Variants in SLC17A8 observed in about 807,000 individuals in gnomAD.
The protein encoded by SLC17A8 is solute carrier family 17 member 8.
SLC17A8 carries 31 observed loss-of-function variants against 58.0 expected under a neutral mutation model. That is an observed-to-expected ratio of 0.53 (90% CI 0.40 to 0.72). The LOEUF (loss-of-function observed/expected upper bound fraction) is 0.72, where lower values mean the gene tolerates loss of function less well. Ranked by LOEUF, SLC17A8 falls within the 30% of genes least tolerant of loss-of-function variation. SLC17A8 has a pLI of 0.00. For missense variants in SLC17A8, 655 were observed against 727.8 expected (o/e 0.90, Z 1.15); for synonymous variants, 228 against 249.0 (o/e 0.92, Z 0.79).
At chr12:100,412,560 C>T (rs1593007278) in intron 9 of SLC17A8, among the ~76,000 whole-genome samples, 1 of 148,730 alleles carries the variant, frequency 6.7e-6, no homozygotes, top group East Asian at 2.0e-4. Context: ...ACATGTATCC[C>T]TGAACTTAAA....
chr12:100,388,920 TAG>T (rs1170192999), intron 2 of SLC17A8, among the ~76,000 whole-genome samples: 2 of 152,194 alleles, frequency 1.3e-5, no homozygotes. Flanking sequence ...GCTGCTATCT[TAG>T]AGTTTCTTGG....
At chr12:100,362,288 G>A (rs1465099666) in intron 1 of SLC17A8, among the ~76,000 whole-genome samples, 5 of 152,210 alleles carry the variant, frequency 3.3e-5, no homozygotes, top group Non-Finnish European at 5.9e-5. Context: ...GGAGGAACCA[G>A]AACTGTCACC....
At position 100,357,157 on chromosome 12, in the gene SLC17A8, A is replaced by C. The variant is rs1172775062; in HGVS notation, c.-235A>C. On this transcript the variant is annotated 5_prime_UTR_variant, in exon 1 of 12. Coordinates refer to ENST00000323346, the MANE Select transcript of SLC17A8 (RefSeq NM_139319.3). ...TGCAAGGGACTGAATTCCCAGCCAG[A>C]CACCCCTTGGACTCTTTTTTGGAGG... is the stretch of plus-strand genomic sequence containing the variant. The C allele has an allele frequency of 4.2e-6, 2 of 480,230 alleles. No individual in the cohort carries two copies. Among genetic ancestry groups the C allele is most frequent in the Non-Finnish European group, 7.6e-6 (2 of 263,014 alleles). 29.7% of individuals were successfully genotyped at this position (480,230 alleles called of 1,614,324 possible).
At chr12:100,384,411 C>A (rs1339741119) in intron 2 of SLC17A8, among the ~76,000 whole-genome samples, 1 of 152,022 alleles carries the variant, frequency 6.6e-6, no homozygotes, top group Non-Finnish European at 1.5e-5. Flanking sequence ...ACTAGCCTGG[C>A]CAACATGGTG....
intron 1 of SLC17A8, among the ~76,000 whole-genome samples, chr12:100,364,772 C>T (rs995706494): frequency 1.3e-5 from 2 of 152,170 alleles, no homozygotes; most frequent in Non-Finnish European, 1.5e-5. Context: ...GCCTATGAGT[C>T]CATGTATATC....
In SLC17A8 at chr12:100,404,063, A is replaced by C. The variant is rs747793093; in HGVS notation, c.1079A>C (p.His360Pro). 1.2e-6 allele frequency: 2 copies of C among 1,614,204 alleles called. No individual in the cohort carries two copies. Among genetic ancestry groups the C allele is most frequent in the Admixed American group, 3.3e-5 (2 of 60,024 alleles). ...SKVGLLSAVP[H>P]MVMTIVVPIG... is the part of the protein sequence containing the mutation. Reference sequence around the variant, plus strand: ...GTGGGTCTCTTGTCAGCAGTCCCACACATGGTTATGACAATCGTTGTACCT... The same window carrying C: ...GTGGGTCTCTTGTCAGCAGTCCCACCCATGGTTATGACAATCGTTGTACCT... The change falls in exon 9 of 12, where the codon CAC becomes CCC. Residue 360 changes from histidine to proline, a missense_variant. Physicochemically the swap from His to Pro is moderately conservative, Grantham distance 77 (BLOSUM62 -2). Coordinates refer to ENST00000323346, the MANE Select transcript of SLC17A8 (RefSeq NM_139319.3).
intron 11 of SLC17A8, among the ~76,000 whole-genome samples, chr12:100,418,597 G>A (rs893656782): frequency 2.6e-5 from 4 of 152,218 alleles, no homozygotes; most frequent in African/African-American, 9.7e-5. Context: ...AAAATAAACA[G>A]GACATTGATA....
chr12:100,383,855 A>C (rs1427603106), intron 2 of SLC17A8, among the ~76,000 whole-genome samples: 1 of 151,576 alleles, frequency 6.6e-6, no homozygotes, highest in Non-Finnish European at 1.5e-5. Flanking sequence ...GGCTCATGCC[A>C]CCATTCTTAG....
intron 11 of SLC17A8, 149 bp from the exon 12 acceptor site, chr12:100,419,666 C>G: frequency 1.5e-6 from 1 of 676,358 alleles, no homozygotes; most frequent in Non-Finnish European, 2.5e-6. Flanking sequence ...CCGGATGGTG[C>G]TTCTGACACA....
intron 3 of SLC17A8, among the ~76,000 whole-genome samples, chr12:100,392,692 A>T (rs145563578): frequency 1.4e-3 from 213 of 152,228 alleles, no homozygotes; most frequent in African/African-American, 4.9e-3. Flanking sequence ...AACATAAGTG[A>T]GAGGGGAAGA....
At chr12:100,375,337 A>G (rs1481620548) in intron 1 of SLC17A8, among the ~76,000 whole-genome samples, 2 of 151,866 alleles carry the variant, frequency 1.3e-5, no homozygotes, top group African/African-American at 4.8e-5. Flanking sequence ...AGGCTGGGGG[A>G]GCATTCAAAC....
rs532378121 is a variant in SLC17A8 at position 100,420,650 on chromosome 12, C to T, written c.*491C>T. On this transcript the variant is annotated 3_prime_UTR_variant, in exon 12 of 12. Transcript: ENST00000323346. ...ACCTTTATGACACACATTTCTTATC[C>T]CCATTTTACAACCAAGGCATCTAAA... is the stretch of plus-strand genomic sequence containing the variant. The T allele has an allele frequency of 1.4e-4, 22 of 162,064 alleles. No homozygotes were observed. In the South Asian group the frequency reaches 3.5e-3, roughly 26 times the overall value. 10.0% of individuals were successfully genotyped at this position (162,064 alleles called of 1,614,324 possible).
Position 100,418,024 on chromosome 12 carries a change from T to C in SLC17A8, c.1298-5T>C. On this transcript the variant is annotated splice_polypyrimidine_tract_variant and splice_region_variant and intron_variant, in intron 10 of 11. Transcript: ENST00000323346. ...TCTGATTTTGAGGTTTTGGCTTCAC[T>C]GTAGGTTTTAATGTCAACCACCTGG... 6.2e-7 allele frequency: 1 copy of C among 1,614,230 alleles called. No homozygotes were observed. The highest frequency in any genetic ancestry group is 8.5e-7 in the Non-Finnish European group (1 of 1,180,048).
rs1952934908 is a variant in SLC17A8, at chr12:100,419,875, A to T, written c.1486A>T (p.Ile496Phe). Reference sequence around the variant, plus strand: ...TGCCCTGGTGCATTACAGTGGTGTGATCTTCTATGGGGTCTTTGCTTCTGG... The same window carrying T: ...TGCCCTGGTGCATTACAGTGGTGTGTTCTTCTATGGGGTCTTTGCTTCTGG... ...IAALVHYSGV[I>F]FYGVFASGEK... Residue 496 changes from isoleucine (I) to phenylalanine (F), a missense_variant, in exon 12 of 12, where the codon ATC (isoleucine) becomes TTC (phenylalanine). Ile to Phe is a conservative substitution (Grantham distance 21, BLOSUM62 0). Transcript: ENST00000323346. 22 of 1,614,078 alleles carry T rather than the reference A, an allele frequency of 1.4e-5. No individual in the cohort carries two copies. The highest frequency in any genetic ancestry group is 1.9e-5 in the Non-Finnish European group (22 of 1,180,044).
At chr12:100,386,293 T>A (rs544185797) in intron 2 of SLC17A8, among the ~76,000 whole-genome samples, 1 of 152,294 alleles carries the variant, frequency 6.6e-6, no homozygotes, top group East Asian at 1.9e-4. Flanking sequence ...TTTATAATTT[T>A]AAAAAATTTT....
chr12:100,411,647 T>C (rs987603141), intron 9 of SLC17A8, among the ~76,000 whole-genome samples: 1 of 152,168 alleles, frequency 6.6e-6, no homozygotes, highest in African/African-American at 2.4e-5. Context: ...TAAGGCACTC[T>C]ATATACTTGG....
intron 9 of SLC17A8, among the ~76,000 whole-genome samples, chr12:100,404,648 C>A (rs761690579): frequency 6.6e-6 from 1 of 152,164 alleles, no homozygotes. Context: ...TGAACCCCTA[C>A]AATGTTCATG....
At chr12:100,380,593 T>C in intron 1 of SLC17A8, 108 bp from the exon 2 acceptor site, 2 of 1,179,570 alleles carry the variant, frequency 1.7e-6, no homozygotes, top group Non-Finnish European at 2.5e-6. Flanking sequence ...ACTATGGGTC[T>C]TCCTTTTTGT....
At chr12:100,409,993 T>C (rs1197949484) in intron 9 of SLC17A8, among the ~76,000 whole-genome samples, 1 of 152,068 alleles carries the variant, frequency 6.6e-6, no homozygotes, top group Non-Finnish European at 1.5e-5. Context: ...GAGCAAATAA[T>C]GAGGTGTGTG....
Sources: gnomAD v4.1 joint callset for allele counts (sites outside exome capture counted in the v4.1 genomes callset) on GRCh38, gnomAD v4.1.1 for gene constraint, MANE v1.5 for transcripts, NCBI Gene and HGNC (gene_info 2026-07-23, HGNC 2026-07-21) for gene names.